Variants in CSMD1 observed in about 807,000 individuals in gnomAD.
CSMD1 encodes the protein CUB and Sushi multiple domains 1, also known as CUB and sushi domain-containing protein 1.
CSMD1 carries 213 observed loss-of-function variants against 417.5 expected under a neutral mutation model. That is an observed-to-expected ratio of 0.51 (90% CI 0.46 to 0.57). The LOEUF (loss-of-function observed/expected upper bound fraction) is 0.57. Among genes scored for constraint, CSMD1 ranks in the 20% least tolerant of loss-of-function variants. The probability of loss-of-function intolerance (pLI) is 0.00; values close to 1 mark genes in which losing one functional copy is unlikely to be tolerated. For synonymous variants in CSMD1, 2,862 were observed against 1,736.8 expected, an observed-to-expected ratio of 1.65 and a Z score of -16.11; for missense variants, 6,923 against 4,529.7, an observed-to-expected ratio of 1.53 and a Z score of -15.17.
chr8:3,921,786 T>G (rs1168627612), intron 5 of CSMD1, among the ~76,000 whole-genome samples: 1 of 152,060 alleles, frequency 6.6e-6, no homozygotes, highest in African/African-American at 2.4e-5. Context: ...TTGTTAAGAG[T>G]TGTTTTATGG....
chr8:3,312,434 T>C (rs1805421133), intron 23 of CSMD1, among the ~76,000 whole-genome samples: 1 of 152,204 alleles, frequency 6.6e-6, no homozygotes, highest in Non-Finnish European at 1.5e-5. Flanking sequence ...GCTTGTGTGA[T>C]GTCTTTTTAT....
intron 3 of CSMD1, among the ~76,000 whole-genome samples, chr8:4,276,950 A>T (rs1392685348): frequency 1.3e-5 from 2 of 152,308 alleles, no homozygotes; most frequent in East Asian, 3.9e-4. Context: ...ATGTTTTCGT[A>T]TACCAACAAA....
At chr8:2,965,017 C>T (rs1019238843) in intron 59 of CSMD1, among the ~76,000 whole-genome samples, 1 of 152,188 alleles carries the variant, frequency 6.6e-6, no homozygotes, top group Non-Finnish European at 1.5e-5. Flanking sequence ...TCACTGACAG[C>T]TTTCAAGCCC....
At chr8:3,519,656 T>A (rs1039818636) in intron 10 of CSMD1, among the ~76,000 whole-genome samples, 1 of 152,176 alleles carries the variant, frequency 6.6e-6, no homozygotes, top group Admixed American at 6.5e-5. Flanking sequence ...CGAAAGCTTA[T>A]CAAGCAGCAT....
intron 1 of CSMD1, among the ~76,000 whole-genome samples, chr8:4,888,357 TC>T (rs1200671500): frequency 6.6e-6 from 1 of 152,040 alleles, no homozygotes; most frequent in East Asian, 1.9e-4. Context: ...TTTTTACATT[TC>T]CTTTTTTAAA....
intron 1 of CSMD1, among the ~76,000 whole-genome samples, chr8:4,890,643 C>G (rs143019731): frequency 6.6e-6 from 1 of 152,056 alleles, no homozygotes; most frequent in East Asian, 1.9e-4. Context: ...CATGGGCATC[C>G]TGGGCAGGAC....
intron 7 of CSMD1, among the ~76,000 whole-genome samples, chr8:3,620,937 T>A (rs1422382428): frequency 6.6e-6 from 1 of 152,210 alleles, no homozygotes; most frequent in Non-Finnish European, 1.5e-5. Flanking sequence ...CAATTGACTG[T>A]ATTTGGAGAT....
intron 1 of CSMD1, among the ~76,000 whole-genome samples, chr8:4,901,021 C>A (rs892639673): frequency 8.5e-5 from 13 of 152,228 alleles, no homozygotes; most frequent in Admixed American, 2.6e-4. Context: ...GTAAAGAATG[C>A]CGATGTTCAA....
At chr8:4,232,037 G>C (rs1055338140) in intron 3 of CSMD1, among the ~76,000 whole-genome samples, 2 of 152,110 alleles carry the variant, frequency 1.3e-5, no homozygotes, top group African/African-American at 4.8e-5. Context: ...CAATATGTTG[G>C]CCTGATACTA....
At chr8:4,593,196 C>T (rs1221361768) in intron 2 of CSMD1, among the ~76,000 whole-genome samples, 1 of 152,134 alleles carries the variant, frequency 6.6e-6, no homozygotes, top group Admixed American at 6.5e-5. Flanking sequence ...CAAATGGGCC[C>T]TACAGAATCT....
intron 3 of CSMD1, among the ~76,000 whole-genome samples, chr8:4,189,630 A>T (rs531168222): frequency 6.6e-6 from 1 of 152,348 alleles, no homozygotes; most frequent in South Asian, 2.1e-4. Flanking sequence ...CCCCTAGCAA[A>T]GACCCTTCTA....
At chr8:3,241,590 G>T (rs1324106175) in intron 26 of CSMD1, among the ~76,000 whole-genome samples, 2 of 152,182 alleles carry the variant, frequency 1.3e-5, no homozygotes, top group Non-Finnish European at 2.9e-5. Context: ...CTGATTTTCA[G>T]TGGGGTCCTG....
At chr8:4,825,401 C>A (rs148387523) in intron 1 of CSMD1, among the ~76,000 whole-genome samples, 65 of 152,160 alleles carry the variant, frequency 4.3e-4, no homozygotes, top group Non-Finnish European at 8.5e-4. Context: ...GCATATAATG[C>A]AGTGATGGTG....
At chr8:4,241,948 T>C (rs1269788372) in intron 3 of CSMD1, among the ~76,000 whole-genome samples, 1 of 152,172 alleles carries the variant, frequency 6.6e-6, no homozygotes, top group Non-Finnish European at 1.5e-5. Context: ...TTGACCAGAT[T>C]CAGTATAAGT....
At chr8:3,572,057 T>A (rs867163024) in intron 10 of CSMD1, among the ~76,000 whole-genome samples, 1 of 151,944 alleles carries the variant, frequency 6.6e-6, no homozygotes, top group Non-Finnish European at 1.5e-5. Flanking sequence ...CACCTGTGAG[T>A]GGTATACTGA....
chr8:4,773,410 A>G (rs905511747), intron 1 of CSMD1, among the ~76,000 whole-genome samples: 8 of 152,174 alleles, frequency 5.3e-5, no homozygotes, highest in African/African-American at 1.9e-4. Flanking sequence ...TTTCTGCAGC[A>G]GTTGCTTTAC....
chr8:3,789,140 A>T (rs1392109882), intron 5 of CSMD1, among the ~76,000 whole-genome samples: 2 of 152,110 alleles, frequency 1.3e-5, no homozygotes, highest in Non-Finnish European at 2.9e-5. Context: ...TTTGTTTTAG[A>T]GCAATGCCCC....
intron 7 of CSMD1, among the ~76,000 whole-genome samples, chr8:3,646,050 CA>C (rs34203421): frequency 0.16 from 22,197 of 141,716 alleles, 2,139 homozygotes; most frequent in African/African-American, 0.29. Flanking sequence ...AATTCCCAAC[CA>C]AAAAAAAAAA....
intron 3 of CSMD1, among the ~76,000 whole-genome samples, chr8:4,255,947 A>C (rs909797394): frequency 3.3e-5 from 5 of 152,150 alleles, no homozygotes; most frequent in Non-Finnish European, 5.9e-5. Flanking sequence ...CCACAGCCTA[A>C]CGTGGTGTCC....
Sources: allele counts gnomAD v4.1 joint callset (sites outside exome capture counted in the v4.1 genomes callset), GRCh38; gene constraint gnomAD v4.1.1; transcripts MANE v1.5; gene names NCBI Gene and HGNC (gene_info 2026-07-23, HGNC 2026-07-21).